SLC35F5: variants seen among roughly 807,000 people sequenced by gnomAD.
The protein encoded by SLC35F5 is HCV NS5A-transactivated protein 3.
In SLC35F5, 54 loss-of-function variants were observed where a neutral mutation model predicts 68.6. The ratio of observed to expected loss-of-function variants is 0.79; its 90% CI spans 0.63 to 0.99. SLC35F5 has a LOEUF of 0.99. Among genes scored for constraint, SLC35F5 ranks in the 50% least tolerant of loss-of-function variants. SLC35F5 has a pLI of 0.00. For synonymous variants in SLC35F5, 211 were observed against 205.2 expected (o/e 1.03, Z -0.24); for missense variants, 567 against 626.9 (o/e 0.90, Z 1.02).
At chr2:113,731,247 G>T (rs1687873572) in intron 10 of SLC35F5, among the ~76,000 whole-genome samples, 1 of 152,018 alleles carries the variant, frequency 6.6e-6, no homozygotes, top group South Asian at 2.1e-4. Context: ...ACAATTAAAT[G>T]CAATAAATGA....
intron 11 of SLC35F5, 123 bp from the exon 12 acceptor site, chr2:113,725,660 C>A: frequency 1.2e-6 from 1 of 848,192 alleles, no homozygotes; most frequent in Non-Finnish European, 1.8e-6. Context: ...TTAGCTAAAA[C>A]TTCTGTTGGT....
intron 11 of SLC35F5, among the ~76,000 whole-genome samples, chr2:113,728,413 C>T (rs908577828): frequency 1.3e-5 from 2 of 152,120 alleles, no homozygotes; most frequent in African/African-American, 4.8e-5. Context: ...GTGCTGGGAT[C>T]ACAGGCGTGA....
downstream of SLC35F5, chr2:113,705,617 C>A (rs1296295375): frequency 6.6e-6 from 1 of 151,158 alleles, no homozygotes; most frequent in Non-Finnish European, 1.5e-5. Context: ...TTAGGATTGA[C>A]AAATGACTAA....
chr2:113,726,225 A>C (rs1687658362), intron 11 of SLC35F5, among the ~76,000 whole-genome samples: 1 of 152,198 alleles, frequency 6.6e-6, no homozygotes, highest in Admixed American at 6.6e-5. Context: ...TATAAGCATA[A>C]AATAACATTT....
Position 113,755,454 on chromosome 2 carries a change from C to T in SLC35F5, c.131G>A (p.Arg44Lys), listed in dbSNP as rs781600606. 4.3e-6 allele frequency: 7 copies of T among 1,613,814 alleles called. No homozygotes were observed. Among genetic ancestry groups the T allele is most frequent in the African/African-American group, 1.3e-5 (1 of 74,904 alleles). ...LEDLRRALKTRLQMVCVFVMN... is the reference protein window; with the variant it reads ...LEDLRRALKTKLQMVCVFVMN... ...CATAGAGGATAAACGTGGAATCTAC[C>T]TTGTCTTAAGAGCCCTTCTGAGATC... The change falls in exon 2 of 16, where the codon AGA becomes AAA. Residue 44 changes from arginine (R) to lysine (K), a missense_variant and splice_region_variant. Transcript: ENST00000245680.
At chr2:113,706,041 A>G (rs920935450), downstream of SLC35F5, among the ~76,000 whole-genome samples, 5 of 152,200 alleles carry the variant, frequency 3.3e-5, no homozygotes, top group African/African-American at 1.2e-4. Context: ...TTGGTTCCAG[A>G]ATATTTCTTG....
At chr2:113,718,877 G>GAA (rs1162085749) in intron 14 of SLC35F5, among the ~76,000 whole-genome samples, 1 of 37,674 alleles carries the variant, frequency 2.7e-5, no homozygotes, top group Non-Finnish European at 7.3e-5. Flanking sequence ...AAGAAAGAAA[G>GAA]AAAGAAAGAA....
rs912536506 is a variant in SLC35F5 at position 113,755,272 on chromosome 2, T to C, written c.166A>G (p.Met56Val). 6.2e-6 allele frequency: 10 copies of C among 1,614,164 alleles called. No homozygotes were observed. The Middle Eastern group carries it at 4.9e-4, about 80-fold the overall frequency. The change falls in exon 3 of 16, where the codon ATG becomes GTG. Residue 56 changes from methionine (M) to valine (V), a missense_variant. Coordinates refer to ENST00000245680, the MANE Select transcript of SLC35F5 (RefSeq NM_025181.5). Reference protein sequence around the residue: ...QMVCVFVMNRMNSQNSGFTQR... With the variant: ...QMVCVFVMNRVNSQNSGFTQR... ...GTGAAACCACTGTTCTGGGAATTCA[T>C]TCGGTTCATGACAAATACACACACC...
At position 113,710,092 on chromosome 2, in the gene SLC35F5, A is replaced by G. The variant is rs1686935072; in HGVS notation, c.*5126T>C. ...CAGTCTCCCAAAGCACTGGAATTAC[A>G]GGCATGAGCCTGTGTTCTCCCCTCT... On this transcript the variant is annotated 3_prime_UTR_variant, in exon 16 of 16. Coordinates refer to ENST00000245680, the MANE Select transcript of SLC35F5 (RefSeq NM_025181.5). 6.6e-6 allele frequency among the ~76,000 whole-genome samples: 1 copy of G among 152,204 alleles called. No homozygotes were observed. Among genetic ancestry groups the G allele is most frequent in the Non-Finnish European group, 1.5e-5 (1 of 68,040 alleles).
intron 5 of SLC35F5, among the ~76,000 whole-genome samples, chr2:113,744,219 T>A (rs966033746): frequency 6.6e-6 from 1 of 152,186 alleles, no homozygotes; most frequent in Non-Finnish European, 1.5e-5. Context: ...AAGCAGTCTC[T>A]TCCTCAGTGA....
At chr2:113,729,361 A>G (rs780735136) in intron 11 of SLC35F5, 40 bp downstream of exon 11, 20 of 1,068,350 alleles carry the variant, frequency 1.9e-5, no homozygotes, top group Non-Finnish European at 2.8e-5. Flanking sequence ...TGTGTTAATC[A>G]TTTAGAGTAA....
intron 11 of SLC35F5, among the ~76,000 whole-genome samples, chr2:113,728,153 G>T (rs1687741972): frequency 6.6e-6 from 1 of 151,498 alleles, no homozygotes; most frequent in Non-Finnish European, 1.5e-5. Flanking sequence ...AACCAAACCT[G>T]GCTATTATGC....
At chr2:113,749,815 TAAAG>T (rs1331074946) in intron 4 of SLC35F5, among the ~76,000 whole-genome samples, 5 of 152,144 alleles carry the variant, frequency 3.3e-5, no homozygotes, top group African/African-American at 9.6e-5. Flanking sequence ...TCTAACATAA[TAAAG>T]AATTTTTTAA....
intron 1 of SLC35F5, chr2:113,755,958 G>T: frequency 6.5e-6 from 10 of 1,549,796 alleles, no homozygotes; most frequent in Non-Finnish European, 8.7e-6. Flanking sequence ...GGTTATCGGA[G>T]AGTAAGTGAT....
intron 10 of SLC35F5, 121 bp from the exon 11 acceptor site, chr2:113,729,626 T>G: frequency 1.6e-6 from 1 of 634,230 alleles, no homozygotes; most frequent in Non-Finnish European, 2.8e-6. Context: ...TATATAATGA[T>G]ATAAATCACC....
chr2:113,743,983 G>A, intron 5 of SLC35F5, 189 bp from the exon 6 acceptor site: 2 of 415,894 alleles, frequency 4.8e-6, no homozygotes, highest in East Asian at 3.5e-5. Context: ...TGACAGAAAA[G>A]AATCAGTTTA....
chr2:113,704,400 GCCAGT>G (rs1231314179), downstream of SLC35F5, among the ~76,000 whole-genome samples: 3 of 152,204 alleles, frequency 2.0e-5, no homozygotes, highest in African/African-American at 7.2e-5. Context: ...GGAGCTGCCC[GCCAGT>G]CCCGCGCCCT....
chr2:113,738,085 A>C (rs1688157643), intron 7 of SLC35F5, among the ~76,000 whole-genome samples: 1 of 152,156 alleles, frequency 6.6e-6, no homozygotes, highest in African/African-American at 2.4e-5. Context: ...CATCATCCAT[A>C]GTTACCATTT....
chr2:113,704,306 T>C (rs1417566487), downstream of SLC35F5, among the ~76,000 whole-genome samples: 1 of 152,208 alleles, frequency 6.6e-6, no homozygotes, highest in Non-Finnish European at 1.5e-5. Context: ...ATCCCTGAGC[T>C]AGACACAAAG....
Sources: gnomAD v4.1 joint callset for allele counts (sites outside exome capture counted in the v4.1 genomes callset) on GRCh38, gnomAD v4.1.1 for gene constraint, MANE v1.5 for transcripts, NCBI Gene and HGNC (gene_info 2026-07-23, HGNC 2026-07-21) for gene names.